Variants in ATP10B observed in about 807,000 individuals in gnomAD.
ATP10B encodes ATPase phospholipid transporting 10B (putative), also known as phospholipid-transporting ATPase VB.
A neutral mutation model predicts 141.2 loss-of-function variants in ATP10B; 122 were observed. The observed-to-expected ratio is 0.86, with a 90% confidence interval of 0.75 to 1.00. The LOEUF (loss-of-function observed/expected upper bound fraction) is 1.00. ATP10B is among the 50% of genes least tolerant of loss of function. The probability of loss-of-function intolerance (pLI) is 0.00; values close to 1 mark genes in which losing one functional copy is unlikely to be tolerated. For synonymous variants in ATP10B, 685 were observed against 692.0 expected, an observed-to-expected ratio of 0.99 and a Z score of 0.16; for missense variants, 1,876 against 1,825.3, an observed-to-expected ratio of 1.03 and a Z score of -0.51.
intron 22 of ATP10B, among the ~76,000 whole-genome samples, chr5:160,594,153 C>T (rs1756517936): frequency 6.6e-6 from 1 of 152,134 alleles, no homozygotes; most frequent in Non-Finnish European, 1.5e-5. Context: ...GTCAGGTTAC[C>T]CACAAAGGGA....
chr5:160,640,610 GA>G lies in ATP10B; in HGVS notation c.869-19del, dbSNP rs1344695225. The stretch of plus-strand genomic sequence containing the variant: ...CTCATGGCCTTTGAGAGAAAATGAG[GA>G]AATCAGTCCCTTAGTTCCTGTTTGC... On this transcript the variant is annotated intron_variant, in intron 9 of 25. Transcript: ENST00000327245. 1 of 1,613,512 alleles carries G rather than the reference GA, an allele frequency of 6.2e-7. No homozygotes were observed. Among genetic ancestry groups the G allele is most frequent in the Non-Finnish European group, 8.5e-7 (1 of 1,179,738 alleles).
chr5:160,636,056 C>T (rs1354029915), intron 11 of ATP10B, 126 bp downstream of exon 11: 11 of 1,095,642 alleles, frequency 1.0e-5, no homozygotes, highest in Non-Finnish European at 1.4e-5. Flanking sequence ...AAAGCGATGA[C>T]CATCTCCTCA....
chr5:160,829,646 G>A (rs188368023), intron 1 of ATP10B, among the ~76,000 whole-genome samples: 193 of 152,128 alleles, frequency 1.3e-3, no homozygotes, highest in African/African-American at 4.4e-3. Context: ...AGTAGTCTTT[G>A]TAGTTTTCCT....
chr5:160,622,748 C>A (rs536119285), intron 13 of ATP10B, among the ~76,000 whole-genome samples, 163 bp from the exon 14 acceptor site: 2 of 152,198 alleles, frequency 1.3e-5, no homozygotes, highest in Non-Finnish European at 1.5e-5. Context: ...TTATTTGAGT[C>A]CTTCCTGCCT....
chr5:160,756,938 A>C (rs1768664491), intron 2 of ATP10B, among the ~76,000 whole-genome samples: 2 of 152,120 alleles, frequency 1.3e-5, no homozygotes, highest in Non-Finnish European at 2.9e-5. Flanking sequence ...TTTTAATTGC[A>C]AAGTTTTGAT....
chr5:160,617,569 A>G (rs940426815), intron 16 of ATP10B, among the ~76,000 whole-genome samples: 1 of 152,258 alleles, frequency 6.6e-6, no homozygotes, highest in Non-Finnish European at 1.5e-5. Context: ...CCTAAAAAAT[A>G]TAATTGGAAA....
At chr5:160,655,487 T>A (rs1285140638) in intron 7 of ATP10B, among the ~76,000 whole-genome samples, 3 of 152,144 alleles carry the variant, frequency 2.0e-5, no homozygotes, top group Non-Finnish European at 4.4e-5. Context: ...ACCTTGTTTT[T>A]GCAGGCACAC....
chr5:160,928,188 T>C, the ATP10B span, among the ~76,000 whole-genome samples: 6 of 152,284 alleles, frequency 3.9e-5, 1 homozygote, highest in Admixed American at 3.9e-4. Context: ...CTTTTTTTAT[T>C]GACTGCTCTA....
intron 24 of ATP10B, among the ~76,000 whole-genome samples, chr5:160,582,343 T>C (rs1755607282): frequency 6.6e-6 from 1 of 152,228 alleles, no homozygotes; most frequent in Non-Finnish European, 1.5e-5. Context: ...GTAGGCCTGG[T>C]GGTGACAAAA....
chr5:160,918,228 GGGA>G, the ATP10B span, among the ~76,000 whole-genome samples: 1 of 152,204 alleles, frequency 6.6e-6, no homozygotes, highest in Non-Finnish European at 1.5e-5. Context: ...AGCATAAAGG[GGGA>G]GGCAAACTTA....
chr5:160,667,381 G>C (rs1323945632), intron 7 of ATP10B, among the ~76,000 whole-genome samples: 2 of 152,070 alleles, frequency 1.3e-5, no homozygotes, highest in Non-Finnish European at 2.9e-5. Flanking sequence ...GACAATAATA[G>C]TGCCCATCTC....
intron 1 of ATP10B, among the ~76,000 whole-genome samples, chr5:160,819,402 C>T (rs1357249978): frequency 2.0e-5 from 3 of 152,112 alleles, no homozygotes; most frequent in African/African-American, 7.2e-5. Context: ...TCATCAACAC[C>T]AGACCTATCC....
rs539945994 is a variant in ATP10B at position 160,596,131 on chromosome 5, C to T, written c.3564+2639G>A. On this transcript the variant is annotated intron_variant, in intron 22 of 25. Transcript: ENST00000327245. ...CCAATATCCTTGATGAACATTGATG[C>T]AAAAATCCTCAATAAAATACTGGCA... is the stretch of plus-strand genomic sequence containing the variant. 8.0e-4 allele frequency among the ~76,000 whole-genome samples: 122 copies of T among 152,044 alleles called. 1 individual carries two copies. The East Asian group carries it at 0.022, about 27-fold the overall frequency.
chr5:160,902,951 G>C, the ATP10B span, among the ~76,000 whole-genome samples: 3 of 152,182 alleles, frequency 2.0e-5, no homozygotes, highest in African/African-American at 7.2e-5. Context: ...GTGTTTGAAC[G>C]GGTGCACGTG....
At chr5:160,784,451 G>T (rs1248003779) in intron 2 of ATP10B, among the ~76,000 whole-genome samples, 2 of 152,182 alleles carry the variant, frequency 1.3e-5, no homozygotes. Flanking sequence ...TAAGCAGTTG[G>T]TATCTGCGGA....
chr5:160,687,454 T>C (rs1255500857), intron 5 of ATP10B, among the ~76,000 whole-genome samples: 1 of 152,204 alleles, frequency 6.6e-6, no homozygotes, highest in African/African-American at 2.4e-5. Flanking sequence ...ATCTAAGTGG[T>C]AAATACTTGT....
chr5:160,717,837 C>T (rs1292160016), intron 2 of ATP10B, among the ~76,000 whole-genome samples: 3 of 152,168 alleles, frequency 2.0e-5, no homozygotes, highest in Non-Finnish European at 4.4e-5. Context: ...TTATTAAAGT[C>T]CAGTCACACA....
At chr5:160,758,445 T>C (rs1768794658) in intron 2 of ATP10B, among the ~76,000 whole-genome samples, 1 of 152,192 alleles carries the variant, frequency 6.6e-6, no homozygotes, top group South Asian at 2.1e-4. Flanking sequence ...AATACATCCC[T>C]ATATCAGAAG....
At chr5:160,902,758 T>G in the ATP10B span, among the ~76,000 whole-genome samples, 1 of 152,338 alleles carries the variant, frequency 6.6e-6, no homozygotes, top group East Asian at 1.9e-4. Flanking sequence ...CAACACATAT[T>G]AGGTGCTTAA....
Sources: gnomAD v4.1 joint callset for allele counts (sites outside exome capture counted in the v4.1 genomes callset) on GRCh38, gnomAD v4.1.1 for gene constraint, MANE v1.5 for transcripts, NCBI Gene and HGNC (gene_info 2026-07-23, HGNC 2026-07-21) for gene names.